Variants in CMIP observed in about 807,000 individuals in gnomAD.
CMIP encodes c-Maf inducing protein.
A neutral mutation model predicts 97.3 loss-of-function variants in CMIP; 13 were observed. The observed-to-expected ratio is 0.13, with a 90% CI of 0.09 to 0.21. The LOEUF is 0.21. Ranked by LOEUF, CMIP falls within the 10% of genes least tolerant of loss-of-function variation. The pLI is 1.00. For missense variants in CMIP, 847 were observed against 1,024.9 expected (o/e 0.83, Z 2.37); for synonymous variants, 538 against 436.3 (o/e 1.23, Z -2.91).
At position 81,452,888 on chromosome 16, in the gene CMIP, T is replaced by G. The variant is rs1350808186; in HGVS notation, c.300+7347T>G. On this transcript the variant is annotated intron_variant, in intron 1 of 20. Transcript: ENST00000537098. ...TCTTTTGTTTTTTTTTTGTTTTGTT[T>G]TTTTTTTTTTTTTTTTGCAAACCTG... Among the ~76,000 whole-genome samples, 206 of 41,354 alleles carry G rather than the reference T, an allele frequency of 5.0e-3. 3 individuals carry two copies. The highest frequency in any genetic ancestry group is 7.4e-3 in the East Asian group (13 of 1,762). The allele number at this position is 41,354 out of a possible 152,430, so 27.1% of individuals were successfully genotyped here.
At chr16:81,705,390 C>T (rs965722799) in intron 18 of CMIP, 109 bp from the exon 19 acceptor site, 2 of 754,036 alleles carry the variant, frequency 2.7e-6, no homozygotes, top group Non-Finnish European at 4.3e-6. Context: ...GGGCCATGGG[C>T]CTCAGAGCCA....
chr16:81,496,022 G>C lies in CMIP; in HGVS notation c.300+50481G>C, dbSNP rs545277395. ...GCAAAGGAAGCAGGGCGTTGTTCCA[G>C]GGAAGGGAGAGCAAGTGAGCCAGGG... On this transcript the variant is annotated intron_variant, in intron 1 of 20. Transcript: ENST00000537098. Among the ~76,000 whole-genome samples the C allele has an allele frequency of 7.9e-5, 12 of 152,330 alleles. No individual in the cohort carries two copies. In the East Asian group the frequency reaches 1.9e-3, roughly 24 times the overall value.
chr16:81,544,591 G>A (rs941038675), intron 1 of CMIP, among the ~76,000 whole-genome samples: 2 of 151,956 alleles, frequency 1.3e-5, no homozygotes, highest in Non-Finnish European at 2.9e-5. Context: ...TCTGGGTCCA[G>A]TGCAGGGTGC....
At chr16:81,602,599 G>A (rs1044983787) in intron 1 of CMIP, among the ~76,000 whole-genome samples, 1 of 152,216 alleles carries the variant, frequency 6.6e-6, no homozygotes, top group South Asian at 2.1e-4. Context: ...CGCCCCAGCG[G>A]CTGGCAACCA....
At position 81,514,548 on chromosome 16, in the gene CMIP, A is replaced by G. The variant is rs183728951; in HGVS notation, c.300+69007A>G. Among the ~76,000 whole-genome samples the G allele has an allele frequency of 4.8e-4, 73 of 152,232 alleles. 1 individual carries two copies. The highest frequency in any genetic ancestry group is 1.7e-3 in the African/African-American group (70 of 41,530). On this transcript the variant is annotated intron_variant, in intron 1 of 20. Transcript: ENST00000537098. ...AAAATGGGTGTACTGTGAGAATTAG[A>G]TGGGACAGCCTATTAATTAAGACTT...
intron 1 of CMIP, among the ~76,000 whole-genome samples, chr16:81,568,445 C>A (rs1384672606): frequency 6.6e-6 from 1 of 152,168 alleles, no homozygotes; most frequent in Non-Finnish European, 1.5e-5. Flanking sequence ...TGTCTCCCAT[C>A]TCATTGTGGC....
At chr16:81,463,420 A>C (rs1907007404) in intron 1 of CMIP, among the ~76,000 whole-genome samples, 1 of 152,252 alleles carries the variant, frequency 6.6e-6, no homozygotes, top group Admixed American at 6.5e-5. Context: ...AGCCAAAAAA[A>C]GGAGTTGAAC....
intron 9 of CMIP, among the ~76,000 whole-genome samples, chr16:81,675,003 C>T (rs1904286025): frequency 6.6e-6 from 1 of 152,144 alleles, no homozygotes; most frequent in Non-Finnish European, 1.5e-5. Flanking sequence ...GTGCCCAGGA[C>T]CCTCCCAGTG....
chr16:81,674,406 C>T (rs1014760057), intron 9 of CMIP, among the ~76,000 whole-genome samples: 4 of 152,196 alleles, frequency 2.6e-5, no homozygotes, highest in African/African-American at 4.8e-5. Flanking sequence ...GCTGGGATTA[C>T]AGGCGTGAGC....
At chr16:81,552,221 G>A (rs2090673372) in intron 1 of CMIP, among the ~76,000 whole-genome samples, 1 of 152,182 alleles carries the variant, frequency 6.6e-6, no homozygotes, top group Non-Finnish European at 1.5e-5. Flanking sequence ...GTGCTCATTG[G>A]TAGTTGTCTG....
intron 1 of CMIP, among the ~76,000 whole-genome samples, chr16:81,478,774 C>T (rs1481714325): frequency 6.6e-6 from 1 of 152,176 alleles, no homozygotes; most frequent in Non-Finnish European, 1.5e-5. Flanking sequence ...CCTGGAAGCG[C>T]CATATCCAGA....
intron 3 of CMIP, chr16:81,645,316 C>T: frequency 7.8e-7 from 1 of 1,290,238 alleles, no homozygotes. Flanking sequence ...CGTGCAGCGT[C>T]CTCTCTTCAC....
intron 1 of CMIP, among the ~76,000 whole-genome samples, chr16:81,473,218 T>A (rs1322396192): frequency 6.6e-6 from 1 of 152,212 alleles, no homozygotes; most frequent in Non-Finnish European, 1.5e-5. Flanking sequence ...CAGGACGACG[T>A]GAACAGGCTG....
chr16:81,466,465 GTGA>G (rs1188246003), intron 1 of CMIP, among the ~76,000 whole-genome samples: 1 of 152,220 alleles, frequency 6.6e-6, no homozygotes, highest in East Asian at 1.9e-4. Context: ...CCACTTACTA[GTGA>G]TGATCTTGGC....
intron 1 of CMIP, among the ~76,000 whole-genome samples, chr16:81,580,235 C>G (rs2091272872): frequency 6.6e-6 from 1 of 152,158 alleles, no homozygotes; most frequent in Admixed American, 6.5e-5. Context: ...TGATCAGACC[C>G]CTTTAGGGGA....
intron 1 of CMIP, among the ~76,000 whole-genome samples, chr16:81,480,801 A>T (rs1320497280): frequency 1.3e-5 from 2 of 152,202 alleles, no homozygotes; most frequent in Non-Finnish European, 2.9e-5. Context: ...AGTTTCCCCA[A>T]CATTGTTGGG....
chr16:81,465,322 A>C (rs562906169), intron 1 of CMIP, among the ~76,000 whole-genome samples: 1 of 152,290 alleles, frequency 6.6e-6, no homozygotes, highest in South Asian at 2.1e-4. Flanking sequence ...CTTCATTTAG[A>C]AACATATATA....
chr16:81,569,151 T>C (rs1192230125), intron 1 of CMIP, among the ~76,000 whole-genome samples: 1 of 152,220 alleles, frequency 6.6e-6, no homozygotes, highest in East Asian at 1.9e-4. Flanking sequence ...TTGGATGCTC[T>C]TGGGGTGACC....
At chr16:81,644,456 G>A (rs1174095141) in intron 3 of CMIP, among the ~76,000 whole-genome samples, 1 of 152,212 alleles carries the variant, frequency 6.6e-6, no homozygotes, top group Admixed American at 6.5e-5. Context: ...TTAGGTTGAT[G>A]TTGAAGACTT....
Sources: allele counts gnomAD v4.1 joint callset (sites outside exome capture counted in the v4.1 genomes callset), GRCh38; gene constraint gnomAD v4.1.1; transcripts MANE v1.5; gene names NCBI Gene and HGNC (gene_info 2026-07-23, HGNC 2026-07-21).